The following ASH1L variants were observed in gnomAD, a reference collection of about 807,000 sequenced individuals.
ASH1L encodes histone-lysine N-methyltransferase ASH1L.
In ASH1L, 23 loss-of-function variants were observed where a neutral mutation model predicts 269.0. The ratio of observed to expected loss-of-function variants is 0.09; its 90% CI spans 0.06 to 0.12. The LOEUF is 0.12. ASH1L is among the 10% of genes least tolerant of loss of function. The probability of loss-of-function intolerance (pLI) is 1.00; values close to 1 mark genes in which losing one functional copy is unlikely to be tolerated. For synonymous variants in ASH1L, 1,187 were observed against 1,253.5 expected (o/e 0.95, Z 1.12); for missense variants, 2,912 against 3,567.8 (o/e 0.82, Z 4.68).
At chr1:155,559,719 G>A (rs140764598) in intron 1 of ASH1L, among the ~76,000 whole-genome samples, 2 of 152,166 alleles carry the variant, frequency 1.3e-5, no homozygotes, top group African/African-American at 4.8e-5. Flanking sequence ...TTTGAGAGCT[G>A]CCACCATCAA....
Position 155,538,594 on chromosome 1 carries a change from G to A in ASH1L, c.-99-16976C>T, listed in dbSNP as rs961623505. On this transcript the variant is annotated intron_variant, in intron 1 of 27. Coordinates refer to ENST00000392403, the MANE Select transcript of ASH1L (RefSeq NM_018489.3). Reference sequence around the variant, plus strand: ...CCTGACCTCGTGATCTGCCCGCCTCGGCCTTCCAAAGTGCTGGGATTACAG... The same window carrying A: ...CCTGACCTCGTGATCTGCCCGCCTCAGCCTTCCAAAGTGCTGGGATTACAG... 4.0e-5 allele frequency among the ~76,000 whole-genome samples: 6 copies of A among 149,258 alleles called. No individual in the cohort carries two copies. The East Asian group carries it at 5.9e-4, about 15-fold the overall frequency.
At chr1:155,363,558 A>C (rs1277660647) in intron 12 of ASH1L, among the ~76,000 whole-genome samples, 1 of 152,078 alleles carries the variant, frequency 6.6e-6, no homozygotes, top group Non-Finnish European at 1.5e-5. Context: ...AAAGCATTTT[A>C]AATGTATACC....
chr1:155,549,145 C>T (rs1047782773), intron 1 of ASH1L, among the ~76,000 whole-genome samples: 2 of 152,078 alleles, frequency 1.3e-5, no homozygotes, highest in African/African-American at 4.8e-5. Context: ...GAGGTCGAGA[C>T]GAACCTGGGC....
In ASH1L at chr1:155,477,972, A is replaced by T; in HGVS notation, c.4898T>A (p.Leu1633His). 6.2e-7 allele frequency: 1 copy of T among 1,614,240 alleles called. No individual in the cohort carries two copies. Among genetic ancestry groups the T allele is most frequent in the East Asian group, 2.2e-5 (1 of 44,888 alleles). ...TAGTGAAGTGTCCTGTGCAGAAAAGAGTCCAGGGCTGTCAGTTAATTTCTT... is the reference window on the plus strand; with the variant it reads ...TAGTGAAGTGTCCTGTGCAGAAAAGTGTCCAGGGCTGTCAGTTAATTTCTT... ...GRKKLTDSPG[L>H]FSAQDTSLNR... Residue 1633 changes from leucine (L) to histidine (H), a missense_variant, in exon 3 of 28, where the codon CTC (leucine) becomes CAC (histidine). Transcript: ENST00000392403.
chr1:155,356,760 G>T (rs922282380), intron 15 of ASH1L, among the ~76,000 whole-genome samples: 1 of 151,926 alleles, frequency 6.6e-6, no homozygotes, highest in Non-Finnish European at 1.5e-5. Flanking sequence ...GGGTCTACAG[G>T]GATATGTGGA....
At chr1:155,482,599 C>T (rs1359002420) in intron 2 of ASH1L, 150 bp from the exon 3 acceptor site, 1 of 751,486 alleles carries the variant, frequency 1.3e-6, no homozygotes, top group African/African-American at 1.8e-5. Flanking sequence ...ACTTATGTCA[C>T]AGTATGTTAG....
At chr1:155,417,340 G>A (rs1297953366) in intron 5 of ASH1L, among the ~76,000 whole-genome samples, 1 of 152,100 alleles carries the variant, frequency 6.6e-6, no homozygotes, top group East Asian at 1.9e-4. Flanking sequence ...CAGAGGGACT[G>A]AGATAGCTGG....
At chr1:155,462,042 C>T (rs1017537321) in intron 3 of ASH1L, among the ~76,000 whole-genome samples, 1 of 152,078 alleles carries the variant, frequency 6.6e-6, no homozygotes, top group Non-Finnish European at 1.5e-5. Context: ...TCAAGTGATC[C>T]GCCCGCCTCA....
At chr1:155,392,515 G>A (rs180832659) in intron 7 of ASH1L, among the ~76,000 whole-genome samples, 1 of 152,048 alleles carries the variant, frequency 6.6e-6, no homozygotes. Context: ...TTTTTTGAGA[G>A]TCTTGCTCTG....
At chr1:155,398,520 T>C (rs183124840) in intron 6 of ASH1L, among the ~76,000 whole-genome samples, 37 of 152,256 alleles carry the variant, frequency 2.4e-4, no homozygotes, top group African/African-American at 8.7e-4. Flanking sequence ...TAAAAAGTGG[T>C]ACACTTTATA....
chr1:155,481,581 A>G lies in ASH1L; in HGVS notation c.1289T>C (p.Leu430Pro). 6.2e-7 allele frequency: 1 copy of G among 1,614,122 alleles called. No homozygotes were observed. Among genetic ancestry groups the G allele is most frequent in the Non-Finnish European group, 8.5e-7 (1 of 1,179,996 alleles). ...AGCCTTAAGCGGTTCCTGAGTGGGGAGCAGTGCTTCGGCTTTAAGGTTTAT... is the reference window on the plus strand; with the variant it reads ...AGCCTTAAGCGGTTCCTGAGTGGGGGGCAGTGCTTCGGCTTTAAGGTTTAT... Reference protein sequence around the residue: ...DAINLKAEALLPTQEPLKASC... With the variant: ...DAINLKAEALPPTQEPLKASC... The change falls in exon 3 of 28, where the codon CTC becomes CCC. Residue 430 changes from leucine to proline, a missense_variant. Physicochemically the swap from Leu to Pro is moderately conservative, Grantham distance 98. Around this residue, in one of 13 missense-constraint regions of ASH1L, gnomAD observed 715 missense variants for 721.0 expected, o/e 0.99. Coordinates refer to ENST00000392403, the MANE Select transcript of ASH1L (RefSeq NM_018489.3).
At chr1:155,526,436 T>C (rs1305072097) in intron 1 of ASH1L, among the ~76,000 whole-genome samples, 1 of 152,232 alleles carries the variant, frequency 6.6e-6, no homozygotes, top group Non-Finnish European at 1.5e-5. Context: ...CCAAATCATA[T>C]TTTATACATC....
chr1:155,514,965 A>T (rs1238806481), intron 2 of ASH1L, among the ~76,000 whole-genome samples: 1 of 152,162 alleles, frequency 6.6e-6, no homozygotes. Context: ...ACCGGCAACA[A>T]CCAGATCAGT....
rs147807118 is a variant in ASH1L at position 155,469,556 on chromosome 1, T to C, written c.4984+8330A>G. On this transcript the variant is annotated intron_variant, in intron 3 of 27. Coordinates refer to ENST00000392403, the MANE Select transcript of ASH1L (RefSeq NM_018489.3). The stretch of plus-strand genomic sequence containing the variant: ...TCACCATAAATATTGTCATTCCTTC[T>C]CATAGCCTTAATAATAAAGTATCTA... 6.8e-3 allele frequency among the ~76,000 whole-genome samples: 1,035 copies of C among 152,356 alleles called. 8 individuals are homozygous for C. The highest frequency in any genetic ancestry group is 0.024 in the African/African-American group (985 of 41,584).
In ASH1L at chr1:155,337,404, C is replaced by A. The variant is rs1652404243; in HGVS notation, c.*256G>T. The stretch of plus-strand genomic sequence containing the variant: ...GTTCTGGTCATCAATGTGGTCCTCC[C>A]TCCTCTCTACATTATTAACCCTTAA... On this transcript the variant is annotated 3_prime_UTR_variant, in exon 28 of 28. Coordinates refer to ENST00000392403, the MANE Select transcript of ASH1L (RefSeq NM_018489.3). 1 of 320,426 alleles carries A rather than the reference C, an allele frequency of 3.1e-6. No homozygotes were observed. The highest frequency in any genetic ancestry group is 6.6e-5 in the East Asian group (1 of 15,160). 19.8% of individuals were successfully genotyped at this position (320,426 alleles called of 1,614,324 possible). A position where few individuals can be genotyped will look rare whatever the true frequency, so the allele number is the denominator to read the frequency against.
intron 10 of ASH1L, among the ~76,000 whole-genome samples, chr1:155,377,713 T>C (rs1394970861): frequency 6.6e-6 from 1 of 152,174 alleles, no homozygotes; most frequent in Non-Finnish European, 1.5e-5. Context: ...TAAATAACTT[T>C]TCTCAGGTCT....
chr1:155,379,764 C>T (rs989098768), intron 8 of ASH1L, among the ~76,000 whole-genome samples: 8 of 152,234 alleles, frequency 5.3e-5, no homozygotes, highest in Middle Eastern at 3.4e-3. Flanking sequence ...AGAATTCTTA[C>T]AGAACAAAAT....
chr1:155,478,261 G>A lies in ASH1L; in HGVS notation c.4609C>T (p.His1537Tyr). Residue 1537 changes from histidine to tyrosine, a missense_variant, in exon 3 of 28, where the codon CAC becomes TAC. Transcript: ENST00000392403. The surrounding 1 kb of genome is among the most constrained non-coding windows in gnomAD (Gnocchi z 4.6). ...RYKHKEKHRC[H>Y]MSCPHLSPSK... The stretch of plus-strand genomic sequence containing the variant: ...GGAGAGAGATGAGGGCAGGACATGT[G>A]ACAACGGTGCTTTTCCTTATGCTTA... The A allele has an allele frequency of 6.2e-7, 1 of 1,614,154 alleles. No individual in the cohort carries two copies. Among genetic ancestry groups the A allele is most frequent in the Non-Finnish European group, 8.5e-7 (1 of 1,180,022 alleles).
chr1:155,448,734 A>G (rs1451089263), intron 4 of ASH1L, among the ~76,000 whole-genome samples: 1 of 152,056 alleles, frequency 6.6e-6, no homozygotes, highest in Non-Finnish European at 1.5e-5. Flanking sequence ...TGACCTGGTC[A>G]TCTGCCCGCC....
Sources: allele counts gnomAD v4.1 joint callset (sites outside exome capture counted in the v4.1 genomes callset), GRCh38; gene constraint gnomAD v4.1.1; regional missense constraint gnomAD v4.1.1; non-coding constraint Gnocchi (gnomAD v3.1); transcripts MANE v1.5; gene names NCBI Gene and HGNC (gene_info 2026-07-23, HGNC 2026-07-21).